Variants in OR4F15 observed in about 807,000 individuals in gnomAD.
The protein encoded by OR4F15 is olfactory receptor 4F15.
In OR4F15, 7 loss-of-function variants were observed where a neutral mutation model predicts 11.9. That is an observed-to-expected ratio of 0.59 (90% CI 0.33 to 1.10). The LOEUF (loss-of-function observed/expected upper bound fraction) is 1.10, where lower values mean the gene tolerates loss of function less well. OR4F15 is among the 50% of genes least tolerant of loss of function. OR4F15 has a pLI of 0.03. For synonymous variants in OR4F15, 151 were observed against 134.6 expected, an observed-to-expected ratio of 1.12 and a Z score of -0.84; for missense variants, 445 against 377.5, an observed-to-expected ratio of 1.18 and a Z score of -1.48.
At chr15:101,817,068 A>G (rs1342046580) in intron 1 of OR4F15, among the ~76,000 whole-genome samples, 2 of 152,182 alleles carry the variant, frequency 1.3e-5, no homozygotes, top group Non-Finnish European at 2.9e-5. Context: ...GTTTCAGCTC[A>G]TTACATATTT....
At chr15:101,817,914 AG>A (rs2141621470) in intron 1 of OR4F15, among the ~76,000 whole-genome samples, 1 of 152,320 alleles carries the variant, frequency 6.6e-6, no homozygotes, top group East Asian at 1.9e-4. Context: ...GTAACACAAA[AG>A]CAGAGGAGAG....
intron 1 of OR4F15, among the ~76,000 whole-genome samples, chr15:101,813,688 T>G (rs1379762744): frequency 6.6e-6 from 1 of 152,110 alleles, no homozygotes; most frequent in African/African-American, 2.4e-5. Context: ...ATAATGAACA[T>G]CTTTTTAAGA....
Position 101,818,356 on chromosome 15 carries a change from C to T in OR4F15, c.170C>T (p.Ser57Phe), listed in dbSNP as rs766474682. 1.2e-6 allele frequency: 2 copies of T among 1,614,072 alleles called. No homozygotes were observed. Among genetic ancestry groups the T allele is most frequent in the Non-Finnish European group, 8.5e-7 (1 of 1,179,942 alleles). Reference protein sequence around the residue: ...FTVTMDAHLHSPMYFLLANLS... With the variant: ...FTVTMDAHLHFPMYFLLANLS... Reference sequence around the variant, plus strand: ...GTAACCATGGATGCTCATCTGCACTCCCCCATGTATTTCCTCCTGGCTAAC... The same window carrying T: ...GTAACCATGGATGCTCATCTGCACTTCCCCATGTATTTCCTCCTGGCTAAC... Residue 57 changes from serine to phenylalanine, a missense_variant, in exon 2 of 2, where the codon TCC becomes TTC. By Grantham distance (155) the Ser-to-Phe change is radical (BLOSUM62 -2). Coordinates refer to ENST00000332238, the MANE Select transcript of OR4F15 (RefSeq NM_001001674.2).
chr15:101,819,089 G>C lies in OR4F15; in HGVS notation c.903G>C (p.Leu301=). The part of the protein sequence containing the change: ...NKDMKVAMRR[L]CSRLAHFTKI... ...ACATGAAAGTGGCAATGAGGAGACTGTGCAGTCGTCTTGCGCATTTTACAA... is the reference window on the plus strand; with the variant it reads ...ACATGAAAGTGGCAATGAGGAGACTCTGCAGTCGTCTTGCGCATTTTACAA... Residue 301 remains leucine (L), a synonymous_variant, in exon 2 of 2, where the codon CTG becomes CTC. Transcript: ENST00000332238. The C allele has an allele frequency of 6.2e-7, 1 of 1,612,562 alleles. No individual in the cohort carries two copies. Among genetic ancestry groups the C allele is most frequent in the Non-Finnish European group, 8.5e-7 (1 of 1,179,030 alleles).
chr15:101,816,923 T>C (rs984279508), intron 1 of OR4F15, among the ~76,000 whole-genome samples: 1 of 152,194 alleles, frequency 6.6e-6, no homozygotes, highest in Non-Finnish European at 1.5e-5. Flanking sequence ...TTCTTTTCGG[T>C]CCATATTTTA....
intron 1 of OR4F15, among the ~76,000 whole-genome samples, chr15:101,814,723 G>A (rs931231523): frequency 6.6e-5 from 10 of 151,056 alleles, no homozygotes; most frequent in African/African-American, 2.4e-4. Flanking sequence ...TTTCCTTTCT[G>A]ATTTAAAAAA....
At chr15:101,815,525 A>G (rs1295975502) in intron 1 of OR4F15, among the ~76,000 whole-genome samples, 3 of 152,198 alleles carry the variant, frequency 2.0e-5, no homozygotes, top group Non-Finnish European at 4.4e-5. Flanking sequence ...AAGAAGTCAG[A>G]AAACAGATCT....
intron 1 of OR4F15, among the ~76,000 whole-genome samples, chr15:101,813,825 A>G (rs980897970): frequency 6.6e-6 from 1 of 152,228 alleles, no homozygotes; most frequent in Non-Finnish European, 1.5e-5. Flanking sequence ...TGTATTTGTC[A>G]CACTATCACA....
Position 101,819,163 on chromosome 15 carries a change from C to G in OR4F15, c.*38C>G. On this transcript the variant is annotated 3_prime_UTR_variant, in exon 2 of 2. Transcript: ENST00000332238. ...TCAAGATGTGTAACTATGGATTACT[C>G]CTCATGCTGATTGCATAAAAGAAAC... 1.5e-6 allele frequency: 2 copies of G among 1,362,458 alleles called. No individual in the cohort carries two copies. Among genetic ancestry groups the G allele is most frequent in the South Asian group, 1.4e-5 (1 of 72,694 alleles). 84.4% of individuals were successfully genotyped at this position (1,362,458 alleles called of 1,614,324 possible).
Position 101,818,137 on chromosome 15 carries a change from T to C in OR4F15, c.-37-13T>C, listed in dbSNP as rs1303832014. On this transcript the variant is annotated splice_polypyrimidine_tract_variant and intron_variant, in intron 1 of 1. Transcript: ENST00000332238. ...GCCTAGGTAATTCTTTCTCATTTTC[T>C]TTCTTCCTTCAGGTAAGTAACATGA... 2 of 1,204,762 alleles carry C rather than the reference T, an allele frequency of 1.7e-6. No individual in the cohort carries two copies. The highest frequency in any genetic ancestry group is 1.5e-5 in the African/African-American group (1 of 65,712). 74.6% of individuals were successfully genotyped at this position (1,204,762 alleles called of 1,614,324 possible).
intron 1 of OR4F15, among the ~76,000 whole-genome samples, chr15:101,815,898 C>T (rs1001239901): frequency 6.6e-6 from 1 of 152,142 alleles, no homozygotes; most frequent in Non-Finnish European, 1.5e-5. Flanking sequence ...CTTGGTCCTA[C>T]ATGTAACTGG....
At chr15:101,817,036 T>C (rs774854931) in intron 1 of OR4F15, among the ~76,000 whole-genome samples, 6 of 152,194 alleles carry the variant, frequency 3.9e-5, no homozygotes, top group Admixed American at 6.5e-5. Context: ...GGGTGTATTA[T>C]CTACATTAGA....
rs369029245 is a variant in OR4F15 at position 101,819,010 on chromosome 15, A to T, written c.824A>T (p.Asp275Val). The T allele has an allele frequency of 6.2e-6, 10 of 1,613,940 alleles. No individual in the cohort carries two copies. Among genetic ancestry groups the T allele is most frequent in the African/African-American group, 5.3e-5 (4 of 74,906 alleles). The change falls in exon 2 of 2, where the codon GAT becomes GTT. Residue 275 changes from aspartate to valine, a missense_variant. By Grantham distance (152) the Asp-to-Val change is radical. Transcript: ENST00000332238. ...SHLDKYLAIFDAFITPFLNPV... is the reference protein window; with the variant it reads ...SHLDKYLAIFVAFITPFLNPV... ...CTGGATAAATATCTTGCTATTTTTG[A>T]TGCATTTATTACTCCTTTTCTGAAT... is the stretch of plus-strand genomic sequence containing the variant.
At chr15:101,815,960 C>T (rs1034092623) in intron 1 of OR4F15, among the ~76,000 whole-genome samples, 5 of 152,168 alleles carry the variant, frequency 3.3e-5, no homozygotes, top group Admixed American at 2.6e-4. Flanking sequence ...GATGCACCAT[C>T]TGTCCCCATT....
In OR4F15 at chr15:101,818,600, A is replaced by G; in HGVS notation, c.414A>G (p.Pro138=). ...KPLHYLTIMS[P]RMCLYFLATS... ...TCCACTACCTGACCATCATGAGCCC[A>G]AGAATGTGTCTATACTTTTTAGCCA... is the stretch of plus-strand genomic sequence containing the variant. Residue 138 remains proline, a synonymous_variant, in exon 2 of 2, where the codon CCA becomes CCG. Coordinates refer to ENST00000332238, the MANE Select transcript of OR4F15 (RefSeq NM_001001674.2). 6.2e-7 allele frequency: 1 copy of G among 1,614,182 alleles called. No individual in the cohort carries two copies. The highest frequency in any genetic ancestry group is 1.1e-5 in the South Asian group (1 of 91,072).
intron 1 of OR4F15, among the ~76,000 whole-genome samples, chr15:101,813,721 T>C (rs1399585889): frequency 6.6e-6 from 1 of 152,222 alleles, no homozygotes; most frequent in African/African-American, 2.4e-5. Context: ...GTAGTGATCA[T>C]AAATCTATTC....
rs756243789 is a variant in OR4F15, at chr15:101,818,268, T to C, written c.82T>C (p.Phe28Leu). The change falls in exon 2 of 2, where the codon TTT becomes CTT. Residue 28 changes from phenylalanine (F) to leucine (L), a missense_variant. Phe to Leu is a conservative substitution (Grantham distance 22). Transcript: ENST00000332238. ...TNSREIQLLL[F>L]VFSLLFYFAS... Reference sequence around the variant, plus strand: ...CTCACGGGAGATTCAGCTTCTACTTTTTGTTTTCTCTTTGTTGTTCTACTT... The same window carrying C: ...CTCACGGGAGATTCAGCTTCTACTTCTTGTTTTCTCTTTGTTGTTCTACTT... 5 of 1,613,982 alleles carry C rather than the reference T, an allele frequency of 3.1e-6. No homozygotes were observed. In the African/African-American group the frequency reaches 5.3e-5, roughly 17 times the overall value.
Position 101,818,171 on chromosome 15 carries a change from C to T in OR4F15, c.-16C>T, listed in dbSNP as rs1261334651. ...TCAGGTAAGTAACATGAAAACTGAT[C>T]TTGGAGTCTGAGGCAATGAATGGAA... On this transcript the variant is annotated 5_prime_UTR_variant, in exon 2 of 2. Coordinates refer to ENST00000332238, the MANE Select transcript of OR4F15 (RefSeq NM_001001674.2). The T allele has an allele frequency of 2.0e-6, 3 of 1,532,114 alleles. No individual in the cohort carries two copies. The highest frequency in any genetic ancestry group is 9.0e-7 in the Non-Finnish European group (1 of 1,116,478). 94.9% of individuals were successfully genotyped at this position (1,532,114 alleles called of 1,614,324 possible).
chr15:101,817,303 T>G (rs184691368), intron 1 of OR4F15, among the ~76,000 whole-genome samples: 13 of 152,346 alleles, frequency 8.5e-5, no homozygotes, highest in Admixed American at 5.9e-4. Context: ...ATACTATTAA[T>G]ATAAACCTTA....
Sources: allele counts gnomAD v4.1 joint callset (sites outside exome capture counted in the v4.1 genomes callset), GRCh38; gene constraint gnomAD v4.1.1; transcripts MANE v1.5; gene names NCBI Gene and HGNC (gene_info 2026-07-23, HGNC 2026-07-21).